The following DNAI3 variants were observed in gnomAD, a reference collection of about 807,000 sequenced individuals.
DNAI3 encodes WD repeat domain 63.
A neutral mutation model predicts 115.5 loss-of-function variants in DNAI3; 83 were observed. The ratio of observed to expected loss-of-function variants is 0.72; its 90% CI spans 0.60 to 0.86. The LOEUF (loss-of-function observed/expected upper bound fraction) is 0.86. Among genes scored for constraint, DNAI3 ranks in the 40% least tolerant of loss-of-function variants. The pLI, the probability that DNAI3 is intolerant of heterozygous loss-of-function variation, is 0.00. For synonymous variants in DNAI3, 320 were observed against 347.0 expected (o/e 0.92, Z 0.86); for missense variants, 1,004 against 1,075.8 (o/e 0.93, Z 0.93).
intron 3 of DNAI3, among the ~76,000 whole-genome samples, chr1:85,074,371 T>C (rs1281075460): frequency 6.6e-6 from 1 of 152,192 alleles, no homozygotes; most frequent in Non-Finnish European, 1.5e-5. Flanking sequence ...TGGTCCTGGC[T>C]CCTGTGCTCA....
At chr1:85,128,125 CAAAAAAAAAAAAAA>C (rs11344833) in intron 20 of DNAI3, among the ~76,000 whole-genome samples, 1 of 64,394 alleles carries the variant, frequency 1.6e-5, no homozygotes, top group Non-Finnish European at 2.8e-5. Context: ...GACCCTGTCT[CAAAAAAAAAAAAAA>C]AAAAAAAAAA....
intron 8 of DNAI3, among the ~76,000 whole-genome samples, chr1:85,090,434 G>T (rs1654937927): frequency 6.6e-6 from 1 of 152,092 alleles, no homozygotes; most frequent in Non-Finnish European, 1.5e-5. Context: ...TCAAGCTAAG[G>T]CCACATCAAA....
intron 8 of DNAI3, among the ~76,000 whole-genome samples, chr1:85,092,712 G>GA (rs1162218038): frequency 1.3e-5 from 2 of 151,484 alleles, no homozygotes; most frequent in African/African-American, 4.9e-5. Flanking sequence ...TTTTCATTTT[G>GA]GGGACTGTCT....
intron 22 of DNAI3, 121 bp downstream of exon 22, chr1:85,130,233 C>T: frequency 2.8e-6 from 4 of 1,406,684 alleles, no homozygotes; most frequent in Non-Finnish European, 3.9e-6. Flanking sequence ...CTCTTGTTCT[C>T]ATGAGAGTCA....
At chr1:85,118,737 C>T (rs979361505) in intron 17 of DNAI3, among the ~76,000 whole-genome samples, 7 of 152,018 alleles carry the variant, frequency 4.6e-5, no homozygotes, top group African/African-American at 9.7e-5. Context: ...TCTGCCTAGT[C>T]GAGGAGCAGA....
Position 85,100,708 on chromosome 1 carries a change from G to T in DNAI3, c.1479+2050G>T, listed in dbSNP as rs551010410. Among the ~76,000 whole-genome samples the T allele has an allele frequency of 4.8e-3, 724 of 152,238 alleles. 8 individuals carry two copies. The highest frequency in any genetic ancestry group is 0.016 in the African/African-American group (678 of 41,526). On this transcript the variant is annotated intron_variant, in intron 13 of 22. Coordinates refer to ENST00000294664, the MANE Select transcript of DNAI3 (RefSeq NM_145172.5). ...TTGCGGCACTATTCACAATAGCAAA[G>T]ACTTGGAACCAACTCAAATGTCCAA...
At chr1:85,104,455 GA>G in intron 13 of DNAI3, 68 bp from the exon 14 acceptor site, 1 of 1,346,086 alleles carries the variant, frequency 7.4e-7, no homozygotes, top group African/African-American at 1.5e-5. Flanking sequence ...AAACAAAGAA[GA>G]AAAGAATTTA....
chr1:85,076,514 AG>A (rs1654458345), intron 3 of DNAI3, among the ~76,000 whole-genome samples: 1 of 152,208 alleles, frequency 6.6e-6, no homozygotes, highest in South Asian at 2.1e-4. Context: ...TTGAAAAAAG[AG>A]GTTTAATTGA....
At chr1:85,117,486 T>C (rs561950451) in intron 16 of DNAI3, among the ~76,000 whole-genome samples, 1 of 152,320 alleles carries the variant, frequency 6.6e-6, no homozygotes, top group East Asian at 1.9e-4. Flanking sequence ...TTACCTATGC[T>C]CTTACACTAT....
At chr1:85,090,048 C>T in intron 7 of DNAI3, 68 bp from the exon 8 acceptor site, 6 of 627,192 alleles carry the variant, frequency 9.6e-6, no homozygotes, top group African/African-American at 1.9e-5. Context: ...CACTTTTGAC[C>T]TGTTGTGGCC....
In DNAI3 at chr1:85,081,411, T is replaced by C; in HGVS notation, c.281T>C (p.Val94Ala). 2.5e-6 allele frequency: 4 copies of C among 1,572,874 alleles called. No individual in the cohort carries two copies. Among genetic ancestry groups the C allele is most frequent in the Non-Finnish European group, 3.4e-6 (4 of 1,167,330 alleles). ...GATTTCCACCCAGTCAAAAAAATTG[T>C]CCAGGTAAGCACAATATCCCTATTT... ...VSDFHPVKKI[V>A]QEYPGNELLL... The change falls in exon 4 of 23, where the codon GTC becomes GCC. Residue 94 changes from valine (V) to alanine (A), a missense_variant. Physicochemically the swap from Val to Ala is moderately conservative, Grantham distance 64 (BLOSUM62 0). Around this residue, in one of 3 missense-constraint regions of DNAI3, gnomAD observed 550 missense variants for 568.1 expected, o/e 0.97. Coordinates refer to ENST00000294664, the MANE Select transcript of DNAI3 (RefSeq NM_145172.5).
intron 1 of DNAI3, among the ~76,000 whole-genome samples, chr1:85,071,428 G>A (rs1403367360): frequency 6.6e-6 from 1 of 152,208 alleles, no homozygotes; most frequent in Non-Finnish European, 1.5e-5. Context: ...GGCCTTAGTG[G>A]TTTTGTGTTC....
chr1:85,076,677 T>C (rs1449799959), intron 3 of DNAI3, among the ~76,000 whole-genome samples: 1 of 152,146 alleles, frequency 6.6e-6, no homozygotes, highest in East Asian at 1.9e-4. Flanking sequence ...TTATTCACTA[T>C]CATGAGAACA....
chr1:85,081,512 C>CAAAG, intron 4 of DNAI3, 97 bp downstream of exon 4: 4 of 1,234,652 alleles, frequency 3.2e-6, no homozygotes, highest in Non-Finnish European at 4.3e-6. Flanking sequence ...AAATCTGGCC[C>CAAAG]CATTGCTTTG....
chr1:85,097,700 G>A, intron 12 of DNAI3, 45 bp downstream of exon 12: 2 of 1,533,646 alleles, frequency 1.3e-6, no homozygotes, highest in Middle Eastern at 1.7e-4. Flanking sequence ...TTCCATTGAA[G>A]AGTTTATGGA....
chr1:85,093,127 C>G (rs982663082), intron 8 of DNAI3, among the ~76,000 whole-genome samples: 3 of 152,152 alleles, frequency 2.0e-5, no homozygotes, highest in African/African-American at 4.8e-5. Context: ...AGCAAAGATG[C>G]CTGCTGTGGG....
At chr1:85,119,463 A>G (rs776981350) in intron 17 of DNAI3, among the ~76,000 whole-genome samples, 6 of 152,244 alleles carry the variant, frequency 3.9e-5, no homozygotes, top group Non-Finnish European at 7.3e-5. Flanking sequence ...AAGTTTATAA[A>G]GCAGGGGAAT....
At chr1:85,107,613 A>G (rs12409882) in intron 14 of DNAI3, among the ~76,000 whole-genome samples, 10,736 of 152,270 alleles carry the variant, frequency 0.071, 545 homozygotes, top group East Asian at 0.17. Flanking sequence ...AGCAACTGCT[A>G]ATCTGCATGA....
intron 9 of DNAI3, 43 bp downstream of exon 9, chr1:85,093,691 A>T (rs760644810): frequency 5.6e-6 from 9 of 1,610,684 alleles, no homozygotes; most frequent in South Asian, 1.1e-5. Context: ...GATAACATTG[A>T]AATTGTCTGT....
Sources: gnomAD v4.1 joint callset for allele counts (sites outside exome capture counted in the v4.1 genomes callset) on GRCh38, gnomAD v4.1.1 for gene constraint, gnomAD v4.1.1 regional missense constraint, MANE v1.5 for transcripts, NCBI Gene and HGNC (gene_info 2026-07-23, HGNC 2026-07-21) for gene names.